Variants in AGBL1 observed in about 807,000 individuals in gnomAD.
The protein encoded by AGBL1 is AGBL carboxypeptidase 1, also known as cytosolic carboxypeptidase 4.
AGBL1 carries 130 observed loss-of-function variants against 118.9 expected under a neutral mutation model. The ratio of observed to expected loss-of-function variants is 1.09; its 90% confidence interval spans 0.95 to 1.26. The LOEUF (loss-of-function observed/expected upper bound fraction) is 1.26, where lower values mean the gene tolerates loss of function less well. AGBL1 is among the 50% of genes most tolerant of loss of function. The probability of loss-of-function intolerance (pLI) is 0.00; values close to 1 mark genes in which losing one functional copy is unlikely to be tolerated. For missense variants in AGBL1, 1,584 were observed against 1,298.1 expected, an observed-to-expected ratio of 1.22 and a Z score of -3.38; for synonymous variants, 555 against 478.9, an observed-to-expected ratio of 1.16 and a Z score of -2.08.
intron 22 of AGBL1, among the ~76,000 whole-genome samples, chr15:86,873,064 C>CCACAGGTTTGTGTG (rs2079752807): frequency 6.6e-6 from 1 of 152,172 alleles, no homozygotes; most frequent in Non-Finnish European, 1.5e-5. Flanking sequence ...GCTGCCAAAC[C>CCACAGGTTTGTGTG]CCAGGTCTCC....
rs78183397 is a variant in AGBL1 at position 86,881,392 on chromosome 15, G to T, written c.3159-25695G>T. On this transcript the variant is annotated intron_variant, in intron 22 of 22. Transcript: ENST00000614907. ...GCCTCTCATGTCCACTTGGTAATCT[G>T]TCATTTTAGTTTGGAAATGATTCAG... is the stretch of plus-strand genomic sequence containing the variant. 4.6e-3 allele frequency among the ~76,000 whole-genome samples: 695 copies of T among 152,190 alleles called. 5 individuals are homozygous for T. Among genetic ancestry groups the T allele is most frequent in the African/African-American group, 0.016 (662 of 41,518 alleles).
intron 23 of AGBL1, among the ~76,000 whole-genome samples, chr15:86,954,175 G>C (rs1293625690): frequency 6.6e-6 from 1 of 152,260 alleles, no homozygotes; most frequent in East Asian, 1.9e-4. Context: ...AGAGAAAAGG[G>C]AACACTTATA....
intron 1 of AGBL1, among the ~76,000 whole-genome samples, chr15:86,117,390 C>G (rs1897830646): frequency 6.6e-6 from 1 of 152,010 alleles, no homozygotes. Flanking sequence ...GGAATAAAGC[C>G]TAAAATGAGG....
intron 4 of AGBL1, among the ~76,000 whole-genome samples, chr15:86,155,153 GT>G (rs1258425443): frequency 6.6e-6 from 1 of 152,104 alleles, no homozygotes; most frequent in African/African-American, 2.4e-5. Context: ...TAATTTTATA[GT>G]TTTGAAAAAG....
In AGBL1 at chr15:86,998,900, A is replaced by C. The variant is rs186499628; in HGVS notation, c.3323+10812A>C. Among the ~76,000 whole-genome samples the C allele has an allele frequency of 7.9e-5, 12 of 151,392 alleles. No homozygotes were observed. The East Asian group carries it at 2.1e-3, about 27-fold the overall frequency. On this transcript the variant is annotated intron_variant, in intron 24 of 24. Coordinates refer to the AGBL1 transcript ENST00000441037. The stretch of plus-strand genomic sequence containing the variant: ...TATTATACTTTAAGTTCTAGGGTAC[A>C]TGTGCACAACATGCAGGTTTGTTAC...
At chr15:86,862,783 G>T (rs1251243141) in intron 22 of AGBL1, among the ~76,000 whole-genome samples, 3 of 152,136 alleles carry the variant, frequency 2.0e-5, no homozygotes, top group African/African-American at 7.2e-5. Flanking sequence ...TTGGCCACAA[G>T]CATTTACGTA....
intron 22 of AGBL1, among the ~76,000 whole-genome samples, chr15:86,801,738 C>T (rs552645587): frequency 3.3e-5 from 5 of 152,192 alleles, no homozygotes; most frequent in East Asian, 1.9e-4. Flanking sequence ...GCTACCAGTA[C>T]ATTTTACATG....
At chr15:86,394,759 G>A (rs1195883378) in intron 17 of AGBL1, among the ~76,000 whole-genome samples, 5 of 152,242 alleles carry the variant, frequency 3.3e-5, no homozygotes, top group East Asian at 3.9e-4. Flanking sequence ...GAAGAAGGGC[G>A]AAGGACAAGA....
chr15:86,864,244 G>GT lies in AGBL1; in HGVS notation c.3159-42842dup, dbSNP rs201664414. Among the ~76,000 whole-genome samples, 1,115 of 152,278 alleles carry GT rather than the reference G, an allele frequency of 7.3e-3. 51 individuals are homozygous for GT. Among genetic ancestry groups the GT allele is most frequent in the Admixed American group, 0.067 (1,025 of 15,286 alleles). On this transcript the variant is annotated intron_variant, in intron 22 of 22. Transcript: ENST00000614907. Reference sequence around the variant, plus strand: ...CAGAGGGACACCAGAGCCTATGGCTGTGAGTTGTAGAAATAAATATTAAAC... The same window carrying GT: ...CAGAGGGACACCAGAGCCTATGGCTGTTGAGTTGTAGAAATAAATATTAAAC...
intron 18 of AGBL1, among the ~76,000 whole-genome samples, chr15:86,512,772 A>T (rs776060031): frequency 6.6e-6 from 1 of 151,286 alleles, no homozygotes; most frequent in Non-Finnish European, 1.5e-5. Flanking sequence ...TTAATTTTAC[A>T]TTTTTCTCTA....
intron 22 of AGBL1, among the ~76,000 whole-genome samples, chr15:86,875,030 G>T (rs896290298): frequency 2.9e-4 from 44 of 152,080 alleles, no homozygotes; most frequent in African/African-American, 9.4e-4. Flanking sequence ...AGAAAACAAA[G>T]AGATCATAAC....
chr15:86,580,632 T>G (rs988173883), intron 21 of AGBL1, among the ~76,000 whole-genome samples: 4 of 152,148 alleles, frequency 2.6e-5, no homozygotes, highest in Admixed American at 2.0e-4. Flanking sequence ...TTTGGATACA[T>G]GTATACAATG....
intron 23 of AGBL1, among the ~76,000 whole-genome samples, chr15:86,978,665 C>T (rs1231800852): frequency 1.3e-5 from 2 of 152,168 alleles, no homozygotes; most frequent in Non-Finnish European, 2.9e-5. Flanking sequence ...CCCTCAGAAT[C>T]AGATCACGTT....
At chr15:86,702,402 A>G (rs1051225341) in intron 22 of AGBL1, among the ~76,000 whole-genome samples, 13 of 152,128 alleles carry the variant, frequency 8.5e-5, no homozygotes, top group African/African-American at 3.1e-4. Flanking sequence ...AGTCCCTTCA[A>G]TAGTTCTAGA....
intron 9 of AGBL1, among the ~76,000 whole-genome samples, chr15:86,260,055 TTCAAG>T: frequency 6.6e-6 from 1 of 152,202 alleles, no homozygotes; most frequent in East Asian, 1.9e-4. Context: ...TTCAAAAGGC[TTCAAG>T]CCAAGGCAAG....
intron 3 of AGBL1, among the ~76,000 whole-genome samples, chr15:86,149,579 T>A (rs1246480594): frequency 6.6e-6 from 1 of 152,134 alleles, no homozygotes; most frequent in African/African-American, 2.4e-5. Context: ...AAGAGCTAAC[T>A]CTCCTAAATA....
chr15:86,116,668 A>T (rs1432096553), intron 1 of AGBL1: 1 of 152,180 alleles, frequency 6.6e-6, no homozygotes, highest in South Asian at 2.1e-4. Flanking sequence ...TGGGACTTAC[A>T]CAAGCAGAGC....
chr15:86,256,811 T>A (rs764413576), intron 7 of AGBL1, 42 bp from the exon 8 acceptor site: 1 of 1,604,282 alleles, frequency 6.2e-7, no homozygotes, highest in Admixed American at 1.7e-5. Flanking sequence ...TAGGGGACTG[T>A]GCCCAGATGT....
intron 22 of AGBL1, among the ~76,000 whole-genome samples, chr15:86,748,539 T>TTTTTTTTTTTTTTTTTG (rs2077794298): frequency 7.9e-6 from 1 of 127,092 alleles, no homozygotes; most frequent in Non-Finnish European, 1.7e-5. Flanking sequence ...TTTTTTTTTT[T>TTTTTTTTTTTTTTTTTG]TTTTTTTGCC....
Sources: allele counts gnomAD v4.1 joint callset (sites outside exome capture counted in the v4.1 genomes callset), GRCh38; gene constraint gnomAD v4.1.1; transcripts MANE v1.5; gene names NCBI Gene and HGNC (gene_info 2026-07-23, HGNC 2026-07-21).